RAD51: variants seen among roughly 807,000 people sequenced by gnomAD.
The protein encoded by RAD51 is DNA repair protein RAD51 homolog 1.
A neutral mutation model predicts 41.5 loss-of-function variants in RAD51; 14 were observed. The observed-to-expected ratio is 0.34, with a 90% CI of 0.22 to 0.53. The LOEUF is 0.53. Ranked by LOEUF, RAD51 falls within the 20% of genes least tolerant of loss-of-function variation. The pLI, the probability that RAD51 is intolerant of heterozygous loss-of-function variation, is 0.95. For synonymous variants in RAD51, 136 were observed against 148.6 expected, an observed-to-expected ratio of 0.92 and a Z score of 0.62; for missense variants, 234 against 422.0, an observed-to-expected ratio of 0.55 and a Z score of 3.90.
chr15:40,705,526 A>G (rs1366353928), intron 3 of RAD51, among the ~76,000 whole-genome samples: 1 of 152,212 alleles, frequency 6.6e-6, no homozygotes, highest in Admixed American at 6.5e-5. Flanking sequence ...GGAGCAGGAA[A>G]TGAAGGTGTA....
intron 7 of RAD51, 149 bp from the exon 8 acceptor site, chr15:40,729,354 CAG>C: frequency 1.2e-6 from 1 of 834,432 alleles, no homozygotes; most frequent in Non-Finnish European, 1.7e-6. Flanking sequence ...GCCTGGGCGA[CAG>C]AGCTAGACTC....
intron 8 of RAD51, 52 bp downstream of exon 8, chr15:40,729,686 C>A: frequency 6.2e-7 from 1 of 1,612,584 alleles, no homozygotes; most frequent in South Asian, 1.1e-5. Flanking sequence ...GCTGTGAATT[C>A]CAGGAGCCTT....
At chr15:40,724,609 C>G (rs371243795) in intron 6 of RAD51, among the ~76,000 whole-genome samples, 4 of 151,688 alleles carry the variant, frequency 2.6e-5, no homozygotes, top group East Asian at 1.9e-4. Context: ...CTCAAGCAGT[C>G]CCCCCTCCTC....
In RAD51 at chr15:40,707,189, C is replaced by G. The variant is rs1042120989; in HGVS notation, c.343+895C>G. On this transcript the variant is annotated intron_variant, in intron 4 of 9. Transcript: ENST00000267868. ...TTTTTTTTTTTTTGAGTCGGGGCAT[C>G]ACTCATTATGTTGCCCAGGCTGGTC... Among the ~76,000 whole-genome samples, 4 of 123,228 alleles carry G rather than the reference C, an allele frequency of 3.2e-5. No individual in the cohort carries two copies. In the South Asian group the frequency reaches 1.1e-3, roughly 35 times the overall value. 80.8% of individuals were successfully genotyped at this position (123,228 alleles called of 152,430 possible). A position where few individuals can be genotyped will look rare whatever the true frequency, so the allele number is the denominator to read the frequency against.
At chr15:40,713,790 T>C (rs896246620) in intron 5 of RAD51, among the ~76,000 whole-genome samples, 2 of 151,536 alleles carry the variant, frequency 1.3e-5, no homozygotes, top group Non-Finnish European at 2.9e-5. Flanking sequence ...GTATTTTTAG[T>C]AGAGACAGGT....
chr15:40,726,298 C>T (rs539031073), intron 6 of RAD51, among the ~76,000 whole-genome samples: 1 of 145,488 alleles, frequency 6.9e-6, no homozygotes, highest in Admixed American at 7.0e-5. Context: ...GGCTGCCAGG[C>T]TGGAGTACAG....
intron 6 of RAD51, among the ~76,000 whole-genome samples, chr15:40,721,972 A>G (rs1197521535): frequency 1.3e-5 from 2 of 152,256 alleles, no homozygotes; most frequent in Non-Finnish European, 2.9e-5. Context: ...ACAATGAAAT[A>G]TCATTTTAGC....
At chr15:40,698,940 C>A in intron 2 of RAD51, 95 bp downstream of exon 2, 1 of 1,269,936 alleles carries the variant, frequency 7.9e-7, no homozygotes. Flanking sequence ...GGTTTACTAC[C>A]AAGGTCAAGA....
chr15:40,717,468 G>C (rs1896046869), intron 5 of RAD51, among the ~76,000 whole-genome samples: 1 of 152,178 alleles, frequency 6.6e-6, no homozygotes, highest in Non-Finnish European at 1.5e-5. Flanking sequence ...TTACCCTTTA[G>C]CATCATTCAC....
rs144755650 is a variant in RAD51, at chr15:40,732,154, G to C, written c.*976G>C. ...GCTTCTAATAAAGTAGTTATTAGTA[G>C]TGAATGTGCTGTTTATAGCAATTAT... On this transcript the variant is annotated 3_prime_UTR_variant, in exon 10 of 10. Transcript: ENST00000267868. 7.9e-5 allele frequency: 15 copies of C among 189,684 alleles called. No homozygotes were observed. The highest frequency in any genetic ancestry group is 7.4e-4 in the Admixed American group (12 of 16,244). 11.8% of individuals were successfully genotyped at this position (189,684 alleles called of 1,614,324 possible).
At chr15:40,729,786 G>C in intron 8 of RAD51, 67 bp from the exon 9 acceptor site, 3 of 1,612,584 alleles carry the variant, frequency 1.9e-6, no homozygotes, top group Non-Finnish European at 2.5e-6. Context: ...GGGGGAAAGT[G>C]GTGGCAGCAT....
Position 40,698,799 on chromosome 15 carries a change from C to A in RAD51, c.41C>A (p.Ser14Ter). The A allele has an allele frequency of 6.2e-7, 1 of 1,614,170 alleles. No homozygotes were observed. Among genetic ancestry groups the A allele is most frequent in the Non-Finnish European group, 8.5e-7 (1 of 1,180,028 alleles). Reference protein sequence around the residue: ...QMQLEANADTSVEEESFGPQP... With the variant: ...QMQLEANADT ...CAGCTTGAAGCAAATGCAGATACTT[C>A]AGTGGAAGAAGAAAGCTTTGGCCCA... Residue 14 changes from serine to a stop codon, truncating the protein, a stop_gained, in exon 2 of 10, where the codon TCA (serine) becomes TAA (stop). Coordinates refer to ENST00000267868, the MANE Select transcript of RAD51 (RefSeq NM_002875.5). LOFTEE classifies it high-confidence loss of function.
chr15:40,727,735 A>C (rs982052258), intron 6 of RAD51, among the ~76,000 whole-genome samples: 1 of 151,606 alleles, frequency 6.6e-6, no homozygotes, highest in African/African-American at 2.4e-5. Flanking sequence ...ATATCTCTTC[A>C]TTCTTGTTTT....
intron 5 of RAD51, among the ~76,000 whole-genome samples, chr15:40,709,789 ATCTT>A (rs1895574291): frequency 1.3e-5 from 2 of 152,352 alleles, no homozygotes; most frequent in South Asian, 4.1e-4. Flanking sequence ...AAACTCATCT[ATCTT>A]CTCAGTGTCT....
chr15:40,729,466 G>A (rs906155380), intron 7 of RAD51, 39 bp from the exon 8 acceptor site: 4 of 1,608,186 alleles, frequency 2.5e-6, no homozygotes, highest in East Asian at 2.2e-5. Context: ...ATCTGACACA[G>A]GCTAGAAATA....
At chr15:40,726,410 C>T (rs1428426481) in intron 6 of RAD51, among the ~76,000 whole-genome samples, 1 of 151,744 alleles carries the variant, frequency 6.6e-6, no homozygotes, top group Non-Finnish European at 1.5e-5. Context: ...CACCACCACA[C>T]CCATCTAATT....
intron 3 of RAD51, among the ~76,000 whole-genome samples, chr15:40,701,406 G>A (rs1286143967): frequency 1.1e-4 from 13 of 121,718 alleles, no homozygotes; most frequent in Admixed American, 7.8e-4. Context: ...ACGGGTTCTC[G>A]CTCTGTCACA....
intron 6 of RAD51, among the ~76,000 whole-genome samples, chr15:40,719,789 G>A (rs71472450): frequency 3.6e-4 from 55 of 151,604 alleles, no homozygotes; most frequent in African/African-American, 1.3e-3. Context: ...CCGAGATCGC[G>A]CCACTGCACT....
At chr15:40,720,270 G>T (rs1896204878) in intron 6 of RAD51, among the ~76,000 whole-genome samples, 1 of 151,916 alleles carries the variant, frequency 6.6e-6, no homozygotes, top group South Asian at 2.1e-4. Context: ...TTTTAGAAGA[G>T]ACAGGGTTTC....
Sources: gnomAD v4.1 joint callset for allele counts (sites outside exome capture counted in the v4.1 genomes callset) on GRCh38, gnomAD v4.1.1 for gene constraint, MANE v1.5 for transcripts, NCBI Gene and HGNC (gene_info 2026-07-23, HGNC 2026-07-21) for gene names.